Variants in RBFOX1 observed in about 807,000 individuals in gnomAD.
RBFOX1 encodes the protein RNA binding fox-1 homolog 1.
RBFOX1 carries 8 observed loss-of-function variants against 57.7 expected under a neutral mutation model. The ratio of observed to expected loss-of-function variants is 0.14; its 90% CI spans 0.08 to 0.25. The LOEUF is 0.25. RBFOX1 is among the 10% of genes least tolerant of loss of function. RBFOX1 has a pLI of 1.00. For synonymous variants in RBFOX1, 326 were observed against 222.4 expected (o/e 1.47, Z -4.15); for missense variants, 611 against 548.5 (o/e 1.11, Z -1.14).
chr16:7,346,338 G>C (rs1180587062), intron 4 of RBFOX1, among the ~76,000 whole-genome samples: 1 of 151,896 alleles, frequency 6.6e-6, no homozygotes, highest in Non-Finnish European at 1.5e-5. Flanking sequence ...TGGCAGAGGA[G>C]CATTCTACCC....
At chr16:6,493,464 G>T (rs569347318) in intron 2 of RBFOX1, among the ~76,000 whole-genome samples, 6 of 152,076 alleles carry the variant, frequency 3.9e-5, no homozygotes, top group Non-Finnish European at 8.8e-5. Context: ...GGGACCGTAG[G>T]CTGCTAAAAG....
At chr16:7,381,821 C>T (rs1236896617) in intron 4 of RBFOX1, among the ~76,000 whole-genome samples, 2 of 152,124 alleles carry the variant, frequency 1.3e-5, no homozygotes, top group African/African-American at 2.4e-5. Context: ...TGGGCTGGAT[C>T]ATTCTCTATG....
At chr16:6,495,568 G>T (rs992835751) in intron 2 of RBFOX1, among the ~76,000 whole-genome samples, 1 of 152,192 alleles carries the variant, frequency 6.6e-6, no homozygotes, top group African/African-American at 2.4e-5. Context: ...ATGAAACTGG[G>T]TATATAGAAT....
At chr16:6,888,707 G>T (rs1481757705) in intron 3 of RBFOX1, among the ~76,000 whole-genome samples, 4 of 152,128 alleles carry the variant, frequency 2.6e-5, no homozygotes, top group African/African-American at 9.7e-5. Flanking sequence ...AAAGCTGGGG[G>T]AAGGGAGACC....
intron 2 of RBFOX1, among the ~76,000 whole-genome samples, chr16:6,621,633 G>A (rs981172688): frequency 2.6e-5 from 4 of 152,108 alleles, no homozygotes; most frequent in South Asian, 4.1e-4. Flanking sequence ...CTTTTCGGGG[G>A]CACATTGTAA....
intron 3 of RBFOX1, among the ~76,000 whole-genome samples, chr16:6,947,538 C>T (rs182045784): frequency 6.6e-6 from 1 of 152,270 alleles, no homozygotes; most frequent in African/African-American, 2.4e-5. Context: ...GAGAAATCCT[C>T]CTGAAACATG....
At chr16:7,203,192 A>G (rs1049994172) in intron 4 of RBFOX1, among the ~76,000 whole-genome samples, 5 of 152,242 alleles carry the variant, frequency 3.3e-5, no homozygotes, top group Admixed American at 6.5e-5. Flanking sequence ...ACACACGCAC[A>G]ATGGAATATT....
intron 4 of RBFOX1, among the ~76,000 whole-genome samples, chr16:7,159,184 A>G (rs9937460): frequency 0.89 from 136,118 of 152,122 alleles, 61,015 homozygotes; most frequent in East Asian, 1. Flanking sequence ...AAGTTGTTGC[A>G]TGTGCTAATA....
rs114553142 is a variant in RBFOX1, at chr16:6,835,636, C to T, written c.-16+180986C>T. Reference sequence around the variant, plus strand: ...GGCATGGTGGTGCACGACTGTAGTCCCAGCTACTGGGAGAGGCTGAGGCAT... The same window carrying T: ...GGCATGGTGGTGCACGACTGTAGTCTCAGCTACTGGGAGAGGCTGAGGCAT... On this transcript the variant is annotated intron_variant, in intron 3 of 15. Transcript: ENST00000550418. 5.6e-3 allele frequency among the ~76,000 whole-genome samples: 842 copies of T among 151,424 alleles called. 8 individuals are homozygous for T. The highest frequency in any genetic ancestry group is 0.019 in the African/African-American group (770 of 41,212).
chr16:5,655,310 C>T (rs1032786291), intron 3 of RBFOX1, among the ~76,000 whole-genome samples: 1 of 152,256 alleles, frequency 6.6e-6, no homozygotes, highest in African/African-American at 2.4e-5. Flanking sequence ...AGTTTTCACC[C>T]ATTTCATGCG....
chr16:6,003,333 C>T (rs1361493752), intron 4 of RBFOX1, among the ~76,000 whole-genome samples: 1 of 150,822 alleles, frequency 6.6e-6, no homozygotes, highest in Non-Finnish European at 1.5e-5. Flanking sequence ...GAGATCAAGA[C>T]GTTTGTTTCC....
rs142946080 is a variant in RBFOX1 at position 5,369,538 on chromosome 16, C to T, written c.220-97678C>T. On this transcript the variant is annotated intron_variant, in intron 1 of 2. Coordinates refer to the RBFOX1 transcript ENST00000585867. ...GTTCTCCGTGGTACATGCTGCTATC[C>T]TCCCACTTTACAGTGAAGAAGCAGG... Among the ~76,000 whole-genome samples, 929 of 152,356 alleles carry T rather than the reference C, an allele frequency of 6.1e-3. 6 individuals carry two copies. Among genetic ancestry groups the T allele is most frequent in the African/African-American group, 0.021 (885 of 41,586 alleles).
intron 2 of RBFOX1, among the ~76,000 whole-genome samples, chr16:6,570,414 C>T (rs2345087): frequency 0.99 from 150,053 of 152,244 alleles, 73,977 homozygotes; most frequent in Middle Eastern, 1. Context: ...AGAAGAAGTA[C>T]AGCATTATTG....
At chr16:6,674,148 T>G (rs991921397) in intron 3 of RBFOX1, among the ~76,000 whole-genome samples, 2 of 152,164 alleles carry the variant, frequency 1.3e-5, no homozygotes, top group African/African-American at 4.8e-5. Context: ...TGTTGTGGGT[T>G]GAATAGAGTC....
intron 10 of RBFOX1, among the ~76,000 whole-genome samples, chr16:7,626,587 G>A (rs949182490): frequency 1.3e-5 from 2 of 152,148 alleles, no homozygotes; most frequent in African/African-American, 4.8e-5. Context: ...CGACAGTCCA[G>A]GCTGCGCAGG....
chr16:6,093,248 T>C (rs1168362238), intron 1 of RBFOX1, among the ~76,000 whole-genome samples: 1 of 152,100 alleles, frequency 6.6e-6, no homozygotes, highest in East Asian at 1.9e-4. Context: ...ACGAGCAACA[T>C]GTTATTATTC....
chr16:6,310,705 G>A (rs1052672974), intron 1 of RBFOX1, among the ~76,000 whole-genome samples: 2 of 152,050 alleles, frequency 1.3e-5, no homozygotes, highest in African/African-American at 4.8e-5. Context: ...AATATGACTG[G>A]GCACAGCCTG....
intron 4 of RBFOX1, among the ~76,000 whole-genome samples, chr16:7,211,970 C>T (rs2091229657): frequency 6.6e-6 from 1 of 152,166 alleles, no homozygotes; most frequent in African/African-American, 2.4e-5. Context: ...TCCTACCCAC[C>T]CCTTCTCACT....
chr16:6,497,250 G>A (rs1255242878), intron 2 of RBFOX1, among the ~76,000 whole-genome samples: 1 of 152,204 alleles, frequency 6.6e-6, no homozygotes, highest in African/African-American at 2.4e-5. Context: ...GGAGGAGCTT[G>A]TGAGGTGCCT....
Sources: gnomAD v4.1 joint callset for allele counts (sites outside exome capture counted in the v4.1 genomes callset) on GRCh38, gnomAD v4.1.1 for gene constraint, MANE v1.5 for transcripts, NCBI Gene and HGNC (gene_info 2026-07-23, HGNC 2026-07-21) for gene names.